The following ENTPD5 variants were observed in gnomAD, a reference collection of about 807,000 sequenced individuals.
ENTPD5 encodes the protein ectonucleoside triphosphate diphosphohydrolase 5 (inactive), also known as nucleoside diphosphate phosphatase ENTPD5.
A neutral mutation model predicts 60.2 loss-of-function variants in ENTPD5; 49 were observed. The observed-to-expected ratio is 0.81, with a 90% CI of 0.65 to 1.03. ENTPD5 has a LOEUF of 1.03. Among genes scored for constraint, ENTPD5 ranks in the 50% least tolerant of loss-of-function variants. The probability of loss-of-function intolerance (pLI) is 0.00; values close to 1 mark genes in which losing one functional copy is unlikely to be tolerated. For missense variants in ENTPD5, 480 were observed against 507.6 expected (o/e 0.95, Z 0.52); for synonymous variants, 187 against 185.4 (o/e 1.01, Z -0.07).
In ENTPD5 at chr14:73,986,844, T is replaced by TC; in HGVS notation, c.266dup (p.Leu90ThrfsTer9). The TC allele has an allele frequency of 6.2e-7, 1 of 1,614,098 alleles. No individual in the cohort carries two copies. ...TAGGTTGATCTACAAAAGCAGAAAG[T>TC]CCTGGCTTCACAGAATCAAAAACTT... is the stretch of plus-strand genomic sequence containing the variant. On this transcript the variant is annotated frameshift_variant, in exon 5 of 16. Transcript: ENST00000334696. LOFTEE classifies it high-confidence loss of function.
chr14:73,955,490 G>C, downstream of ENTPD5: 1 of 1,614,062 alleles, frequency 6.2e-7, no homozygotes, highest in Non-Finnish European at 8.5e-7. Context: ...ATGAGATACA[G>C]AGCCTTTCGG....
At chr14:73,980,967 C>T (rs778900739) in intron 6 of ENTPD5, among the ~76,000 whole-genome samples, 12 of 151,830 alleles carry the variant, frequency 7.9e-5, no homozygotes, top group African/African-American at 2.4e-4. Context: ...GGAGTGGTGG[C>T]GCACGCCTGT....
chr14:73,999,779 G>A (rs1178831554), intron 3 of ENTPD5, among the ~76,000 whole-genome samples: 4 of 149,636 alleles, frequency 2.7e-5, no homozygotes, highest in Non-Finnish European at 4.4e-5. Flanking sequence ...GCAACAGGGC[G>A]AGACTCCGTC....
chr14:73,996,215 T>G, intron 3 of ENTPD5: 1 of 985,328 alleles, frequency 1.0e-6, no homozygotes, highest in African/African-American at 1.7e-5. Flanking sequence ...ATGAACCGCA[T>G]TCACCTTTGT....
chr14:74,014,383 C>A (rs989729313), intron 2 of ENTPD5, among the ~76,000 whole-genome samples: 4 of 113,026 alleles, frequency 3.5e-5, no homozygotes, highest in Non-Finnish European at 8.1e-5. Flanking sequence ...TCTTTACTCC[C>A]CCCCCCCACA....
At chr14:73,972,540 C>T (rs556584855) in intron 13 of ENTPD5, among the ~76,000 whole-genome samples, 1 of 152,220 alleles carries the variant, frequency 6.6e-6, no homozygotes, top group African/African-American at 2.4e-5. Flanking sequence ...TATAAAGAGA[C>T]AGGAGGAAAC....
downstream of ENTPD5, chr14:73,961,107 T>C (rs2056704019): frequency 6.5e-7 from 1 of 1,539,308 alleles, no homozygotes; most frequent in African/African-American, 1.4e-5. Context: ...AAGGTTTCTT[T>C]ATTGAATTTT....
At chr14:73,973,340 G>A (rs1024228878) in intron 12 of ENTPD5, among the ~76,000 whole-genome samples, 1 of 152,158 alleles carries the variant, frequency 6.6e-6, no homozygotes, top group African/African-American at 2.4e-5. Context: ...TTCCTTCACT[G>A]GGAATTCAGG....
intron 7 of ENTPD5, 39 bp downstream of exon 7, chr14:73,977,260 C>A (rs751697785): frequency 4.6e-6 from 7 of 1,507,988 alleles, no homozygotes; most frequent in Non-Finnish European, 5.5e-6. Context: ...ACTGATCCTG[C>A]CCCTCTCCCC....
intron 6 of ENTPD5, 84 bp from the exon 7 acceptor site, chr14:73,977,458 T>A: frequency 4.0e-6 from 4 of 1,006,080 alleles, no homozygotes; most frequent in Non-Finnish European, 4.4e-6. Context: ...CCTGTAAGAC[T>A]TAGAAAACTA....
intron 2 of ENTPD5, among the ~76,000 whole-genome samples, chr14:74,014,391 AC>A (rs1841535390): frequency 7.4e-6 from 1 of 134,762 alleles, no homozygotes; most frequent in South Asian, 2.5e-4. Flanking sequence ...CCCCCCCCCC[AC>A]AAAAAAAAGT....
chr14:73,967,083 C>G, intron 15 of ENTPD5, 69 bp from the exon 16 acceptor site: 1 of 1,353,410 alleles, frequency 7.4e-7, no homozygotes, highest in Non-Finnish European at 1.0e-6. Flanking sequence ...AGCTCTTGGG[C>G]AGAAAATATT....
downstream of ENTPD5, chr14:73,960,473 CA>C: frequency 2.0e-6 from 2 of 992,282 alleles, no homozygotes; most frequent in Non-Finnish European, 2.4e-6. Flanking sequence ...GTAGTAGCAA[CA>C]AGAATAAAGG....
chr14:74,000,964 T>C (rs915988257), intron 3 of ENTPD5, among the ~76,000 whole-genome samples: 3 of 152,124 alleles, frequency 2.0e-5, no homozygotes, highest in Non-Finnish European at 4.4e-5. Flanking sequence ...CACGTGACCA[T>C]AGTCCCAGGT....
rs1468069489 is a variant in ENTPD5, at chr14:73,966,497, G to A, written c.*431C>T. The A allele has an allele frequency of 6.5e-6, 1 of 153,490 alleles. No homozygotes were observed. Among genetic ancestry groups the A allele is most frequent in the African/African-American group, 2.4e-5 (1 of 41,420 alleles). The allele number at this position is 153,490 out of a possible 1,614,324, so 9.5% of individuals were successfully genotyped here. A position where few individuals can be genotyped will look rare whatever the true frequency, so the allele number is the denominator to read the frequency against. ...TTTTTTTTCTCTCTTTTTCAGGGGAGGTGGGTGCAGATAAGGGTGGGCAGG... is the reference window on the plus strand; with the variant it reads ...TTTTTTTTCTCTCTTTTTCAGGGGAAGTGGGTGCAGATAAGGGTGGGCAGG... On this transcript the variant is annotated 3_prime_UTR_variant, in exon 16 of 16. Transcript: ENST00000334696.
chr14:74,011,972 A>T (rs2058858842), intron 2 of ENTPD5, among the ~76,000 whole-genome samples: 1 of 152,216 alleles, frequency 6.6e-6, no homozygotes, highest in South Asian at 2.1e-4. Flanking sequence ...TCAGGAACAA[A>T]AAAGTTAAAC....
At chr14:73,974,899 C>T (rs765438678) in intron 11 of ENTPD5, 25 bp downstream of exon 11, 3 of 1,600,754 alleles carry the variant, frequency 1.9e-6, no homozygotes, top group Non-Finnish European at 2.6e-6. Context: ...CACCATCCCC[C>T]CCCAGCACAG....
At chr14:73,968,811 G>A (rs2057096975) in intron 15 of ENTPD5, among the ~76,000 whole-genome samples, 1 of 152,142 alleles carries the variant, frequency 6.6e-6, no homozygotes, top group Non-Finnish European at 1.5e-5. Flanking sequence ...ATTGTTCTGT[G>A]TTGACCTGAT....
chr14:73,980,287 C>CA (rs1412567850), intron 6 of ENTPD5, among the ~76,000 whole-genome samples: 1 of 143,870 alleles, frequency 7.0e-6, no homozygotes, highest in East Asian at 2.1e-4. Flanking sequence ...TTTTTTGAGA[C>CA]AGAGTCTCGC....
Sources: allele counts gnomAD v4.1 joint callset (sites outside exome capture counted in the v4.1 genomes callset), GRCh38; gene constraint gnomAD v4.1.1; transcripts MANE v1.5; gene names NCBI Gene and HGNC (gene_info 2026-07-23, HGNC 2026-07-21).